Variants in GPATCH8 observed in about 807,000 individuals in gnomAD.
GPATCH8 encodes the protein G patch domain-containing protein 8.
A neutral mutation model predicts 118.3 loss-of-function variants in GPATCH8; 18 were observed. That is an observed-to-expected ratio of 0.15 (90% CI 0.11 to 0.23). GPATCH8 has a LOEUF of 0.23. Among genes scored for constraint, GPATCH8 ranks in the 10% least tolerant of loss-of-function variants. GPATCH8 has a pLI of 1.00. For synonymous variants in GPATCH8, 659 were observed against 684.7 expected, an observed-to-expected ratio of 0.96 and a Z score of 0.59; for missense variants, 1,631 against 1,873.8, an observed-to-expected ratio of 0.87 and a Z score of 2.39.
chr17:44,461,787 G>A (rs1490454761), intron 3 of GPATCH8, among the ~76,000 whole-genome samples: 2 of 151,926 alleles, frequency 1.3e-5, no homozygotes, highest in East Asian at 3.9e-4. Flanking sequence ...TCAACCTTCC[G>A]GGCTCAGGCA....
chr17:44,502,973 C>T lies in GPATCH8; in HGVS notation c.45+353G>A, dbSNP rs563536758. Among the ~76,000 whole-genome samples, 5 of 152,380 alleles carry T rather than the reference C, an allele frequency of 3.3e-5. No individual in the cohort carries two copies. In the East Asian group the frequency reaches 7.7e-4, roughly 23 times the overall value. ...TCTCCCCCAAGCCCTCTCAGCCCAACCCAACCACCCCTCTTGTCCCCTGGG... is the reference window on the plus strand; with the variant it reads ...TCTCCCCCAAGCCCTCTCAGCCCAATCCAACCACCCCTCTTGTCCCCTGGG... On this transcript the variant is annotated intron_variant, in intron 1 of 7. Coordinates refer to ENST00000591680, the MANE Select transcript of GPATCH8 (RefSeq NM_001002909.4).
At chr17:44,443,484 GA>G (rs1441030573) in intron 3 of GPATCH8, among the ~76,000 whole-genome samples, 18 of 151,878 alleles carry the variant, frequency 1.2e-4, no homozygotes, top group Admixed American at 1.3e-4. Context: ...CTACCTCTCA[GA>G]AAACATTAAC....
chr17:44,484,623 G>A lies in GPATCH8; in HGVS notation c.46-9720C>T, dbSNP rs185777929. Among the ~76,000 whole-genome samples, 72 of 152,220 alleles carry A rather than the reference G, an allele frequency of 4.7e-4. No individual in the cohort carries two copies. In the East Asian group the frequency reaches 0.013, roughly 27 times the overall value. ...TCCATACTATATTCAGATTATCTTAGACTTCCTCTAATGGTCTTTTTCTGT... is the reference window on the plus strand; with the variant it reads ...TCCATACTATATTCAGATTATCTTAAACTTCCTCTAATGGTCTTTTTCTGT... On this transcript the variant is annotated intron_variant, in intron 1 of 7. Transcript: ENST00000591680.
At chr17:44,402,507 G>A (rs2049065199) in intron 7 of GPATCH8, among the ~76,000 whole-genome samples, 1 of 151,904 alleles carries the variant, frequency 6.6e-6, no homozygotes, top group Non-Finnish European at 1.5e-5. Flanking sequence ...CTCTTGCTGG[G>A]TCAGGGTGGC....
chr17:44,502,825 G>A (rs369799264), intron 1 of GPATCH8, among the ~76,000 whole-genome samples: 3 of 152,226 alleles, frequency 2.0e-5, no homozygotes, highest in African/African-American at 7.2e-5. Context: ...CCCAGGTAAG[G>A]AAGAGGAAAA....
chr17:44,501,517 T>C (rs1314568823), intron 1 of GPATCH8, among the ~76,000 whole-genome samples: 2 of 152,056 alleles, frequency 1.3e-5, no homozygotes, highest in Non-Finnish European at 2.9e-5. Flanking sequence ...TTCAAAGGAC[T>C]ACCATGAAAC....
At chr17:44,451,858 C>T (rs773167180) in intron 3 of GPATCH8, among the ~76,000 whole-genome samples, 1 of 152,258 alleles carries the variant, frequency 6.6e-6, no homozygotes, top group South Asian at 2.1e-4. Flanking sequence ...GTATTTCTCA[C>T]CACCATCATA....
chr17:44,440,877 G>A (rs992685991), intron 3 of GPATCH8, among the ~76,000 whole-genome samples: 36 of 151,806 alleles, frequency 2.4e-4, no homozygotes, highest in African/African-American at 3.6e-4. Flanking sequence ...TTGAGATGGC[G>A]TCTCACTCCG....
intron 6 of GPATCH8, among the ~76,000 whole-genome samples, chr17:44,417,438 C>T (rs1160349325): frequency 1.3e-5 from 2 of 152,118 alleles, no homozygotes; most frequent in African/African-American, 4.8e-5. Context: ...AGACTGGTCT[C>T]GAACTTTTGG....
In GPATCH8 at chr17:44,397,726, G is replaced by A. The variant is rs1202710741; in HGVS notation, c.4351C>T (p.Pro1451Ser). 6.2e-7 allele frequency: 1 copy of A among 1,601,464 alleles called. No homozygotes were observed. The highest frequency in any genetic ancestry group is 1.1e-5 in the South Asian group (1 of 89,534). ...TGTGGGACAGGGTGAAAGGTGAAGG[G>A]CCCAGGATGGATGGCTGAGGCGGGA... ...IIPASAIHPG[P>S]FTFHPVPHAA... The change falls in exon 8 of 8, where the codon CCC becomes TCC. Residue 1451 changes from proline (P) to serine (S), a missense_variant. Transcript: ENST00000591680.
In GPATCH8 at chr17:44,435,095, T is replaced by C. The variant is rs376658768; in HGVS notation, c.318A>G (p.Glu106=). 3 of 1,510,788 alleles carry C rather than the reference T, an allele frequency of 2.0e-6. No homozygotes were observed. The highest frequency in any genetic ancestry group is 2.8e-6 in the Non-Finnish European group (3 of 1,085,530). 93.6% of individuals were successfully genotyped at this position (1,510,788 alleles called of 1,614,324 possible). Residue 106 remains glutamate, a synonymous_variant, in exon 5 of 8, where the codon GAA becomes GAG. Transcript: ENST00000591680. The part of the protein sequence containing the change: ...ERRRVLEVEK[E]DTEELRQKYK... ...ACTTTTGTCTCAGCTCTTCTGTGTC[T>C]TCTTTTTCTACTTCTAGGACACGGC... is the stretch of plus-strand genomic sequence containing the variant.
Position 44,455,192 on chromosome 17 carries a change from T to C in GPATCH8, c.193+9280A>G, listed in dbSNP as rs114001456. ...AGACCCTCGGTAGCTGTATCATCTT[T>C]CCAAAACTTTCCATTTATAAAATGA... On this transcript the variant is annotated intron_variant, in intron 3 of 7. Transcript: ENST00000591680. Among the ~76,000 whole-genome samples the C allele has an allele frequency of 4.8e-3, 732 of 152,248 alleles. 5 individuals are homozygous for C. The highest frequency in any genetic ancestry group is 0.017 in the African/African-American group (709 of 41,546).
chr17:44,424,849 G>A (rs546330963), intron 5 of GPATCH8, among the ~76,000 whole-genome samples: 4 of 152,242 alleles, frequency 2.6e-5, no homozygotes, highest in African/African-American at 7.2e-5. Context: ...TTTCAGACAC[G>A]AAGGAAAAAA....
In GPATCH8 at chr17:44,399,636, C is replaced by T; in HGVS notation, c.2441G>A (p.Ser814Asn). 3 of 1,614,240 alleles carry T rather than the reference C, an allele frequency of 1.9e-6. No individual in the cohort carries two copies. The highest frequency in any genetic ancestry group is 2.5e-6 in the Non-Finnish European group (3 of 1,180,038). ...SSRSSHRSQP[S>N]SGDEDSDDAS... ...ATCATCACTATCCTCATCTCCACTA[C>T]TGGGTTGGCTCCGATGGCTAGACCG... The change falls in exon 8 of 8, where the codon AGT becomes AAT. Residue 814 changes from serine to asparagine, a missense_variant. By Grantham distance (46) the Ser-to-Asn change is conservative. Around this residue, in one of 8 missense-constraint regions of GPATCH8, gnomAD observed 922 missense variants for 879.7 expected, o/e 1.05. Transcript: ENST00000591680.
chr17:44,445,502 C>CA (rs1251049007), intron 3 of GPATCH8, among the ~76,000 whole-genome samples: 1 of 146,432 alleles, frequency 6.8e-6, no homozygotes, highest in Non-Finnish European at 1.5e-5. Context: ...ATTTCTTTTT[C>CA]TTTTTTTTTT....
rs1222627790 is a variant in GPATCH8 at position 44,398,002 on chromosome 17, T to G, written c.4075A>C (p.Ile1359Leu). Reference protein sequence around the residue: ...LAPATPALQPIHIQQPATASA... With the variant: ...LAPATPALQPLHIQQPATASA... ...GCTGTAGCTGGCTGCTGAATGTGGATGGGTTGCAGGGCTGGTGTGGCTGGG... is the reference window on the plus strand; with the variant it reads ...GCTGTAGCTGGCTGCTGAATGTGGAGGGGTTGCAGGGCTGGTGTGGCTGGG... The change falls in exon 8 of 8, where the codon ATC (isoleucine) becomes CTC (leucine). Residue 1359 changes from isoleucine (I) to leucine (L), a missense_variant. Ile to Leu is a conservative substitution (Grantham distance 5). Coordinates refer to ENST00000591680, the MANE Select transcript of GPATCH8 (RefSeq NM_001002909.4). 1 of 1,613,906 alleles carries G rather than the reference T, an allele frequency of 6.2e-7. No homozygotes were observed. The highest frequency in any genetic ancestry group is 8.5e-7 in the Non-Finnish European group (1 of 1,179,904).
chr17:44,434,303 A>G (rs2050421524), intron 5 of GPATCH8, among the ~76,000 whole-genome samples: 1 of 152,048 alleles, frequency 6.6e-6, no homozygotes. Flanking sequence ...AGGAGAAGAA[A>G]AAGGGGAAAG....
chr17:44,457,153 G>T (rs916026473), intron 3 of GPATCH8, among the ~76,000 whole-genome samples: 2 of 152,078 alleles, frequency 1.3e-5, no homozygotes, highest in Non-Finnish European at 2.9e-5. Context: ...GTGACCCACT[G>T]CAACTGGCCC....
At chr17:44,435,004 G>T (rs1466128621) in intron 5 of GPATCH8, 61 bp downstream of exon 5, 2 of 805,232 alleles carry the variant, frequency 2.5e-6, no homozygotes, top group African/African-American at 1.7e-5. Flanking sequence ...AACAAAATTT[G>T]AGTTCTTTCT....
Sources: gnomAD v4.1 joint callset for allele counts (sites outside exome capture counted in the v4.1 genomes callset) on GRCh38, gnomAD v4.1.1 for gene constraint, gnomAD v4.1.1 regional missense constraint, MANE v1.5 for transcripts, NCBI Gene and HGNC (gene_info 2026-07-23, HGNC 2026-07-21) for gene names.